Variants in UBLCP1 observed in about 807,000 individuals in gnomAD.
The protein encoded by UBLCP1 is ubiquitin-like domain-containing CTD phosphatase 1.
A neutral mutation model predicts 42.4 loss-of-function variants in UBLCP1; 28 were observed. The ratio of observed to expected loss-of-function variants is 0.66; its 90% CI spans 0.49 to 0.90. UBLCP1 has a LOEUF of 0.90. UBLCP1 is among the 40% of genes least tolerant of loss of function. UBLCP1 has a pLI of 0.00. For synonymous variants in UBLCP1, 122 were observed against 120.8 expected, an observed-to-expected ratio of 1.01 and a Z score of -0.07; for missense variants, 279 against 374.5, an observed-to-expected ratio of 0.75 and a Z score of 2.10.
rs1753670783 is a variant in UBLCP1, at chr5:159,285,652, A to C, written c.*721A>C. ...TGAAGAATAAAAACTAAGGAACAAGAATGAGTCTCTTTTTGGTGGCTAAGT... is the reference window on the plus strand; with the variant it reads ...TGAAGAATAAAAACTAAGGAACAAGCATGAGTCTCTTTTTGGTGGCTAAGT... On this transcript the variant is annotated 3_prime_UTR_variant, in exon 11 of 11. Coordinates refer to ENST00000296786, the MANE Select transcript of UBLCP1 (RefSeq NM_145049.5). The C allele has an allele frequency of 6.6e-6, 1 of 152,344 alleles. No individual in the cohort carries two copies. The highest frequency in any genetic ancestry group is 2.1e-4 in the South Asian group (1 of 4,834). The allele number at this position is 152,344 out of a possible 1,614,324, so 9.4% of individuals were successfully genotyped here.
At chr5:159,284,600 TG>T (rs1753647655) in intron 10 of UBLCP1, among the ~76,000 whole-genome samples, 1 of 152,160 alleles carries the variant, frequency 6.6e-6, no homozygotes, top group Admixed American at 6.5e-5. Context: ...TCTGGAGCCT[TG>T]TTTTGAATCT....
chr5:159,273,657 C>T lies in UBLCP1; in HGVS notation c.548-928C>T, dbSNP rs143772159. Among the ~76,000 whole-genome samples the T allele has an allele frequency of 8.8e-3, 1,337 of 152,082 alleles. 13 individuals are homozygous for T. The highest frequency in any genetic ancestry group is 0.012 in the Non-Finnish European group (800 of 67,976). ...ATAATTACAGATACAAAGTAAGTACCGGATTAAAATTTTTTTCTATCTTAT... is the reference window on the plus strand; with the variant it reads ...ATAATTACAGATACAAAGTAAGTACTGGATTAAAATTTTTTTCTATCTTAT... On this transcript the variant is annotated intron_variant, in intron 6 of 10. Transcript: ENST00000296786.
chr5:159,271,517 G>T (rs1017919865), intron 5 of UBLCP1, among the ~76,000 whole-genome samples: 4 of 151,732 alleles, frequency 2.6e-5, no homozygotes, highest in Non-Finnish European at 4.4e-5. Flanking sequence ...TTCCTTTTAT[G>T]TCTAATGTTG....
chr5:159,267,305 C>T (rs951440760), intron 1 of UBLCP1, among the ~76,000 whole-genome samples: 57 of 152,264 alleles, frequency 3.7e-4, no homozygotes, highest in African/African-American at 1.3e-3. Flanking sequence ...TTGACTGCCC[C>T]GCTGGATTTC....
chr5:159,268,291 T>C (rs1344547776), intron 1 of UBLCP1, among the ~76,000 whole-genome samples: 1 of 152,250 alleles, frequency 6.6e-6, no homozygotes, highest in Non-Finnish European at 1.5e-5. Flanking sequence ...ATTTATGTAG[T>C]GTTTACTAGG....
chr5:159,276,728 G>A (rs983217284), intron 8 of UBLCP1, among the ~76,000 whole-genome samples: 5 of 152,136 alleles, frequency 3.3e-5, no homozygotes, highest in African/African-American at 4.8e-5. Flanking sequence ...GAACACTGTT[G>A]TAAGCCGTTA....
chr5:159,263,307 G>A lies in UBLCP1; in HGVS notation c.-100G>A, dbSNP rs977621140. The A allele has an allele frequency of 3.3e-5, 5 of 152,372 alleles. No homozygotes were observed. Among genetic ancestry groups the A allele is most frequent in the African/African-American group, 1.2e-4 (5 of 41,464 alleles). The allele number at this position is 152,372 out of a possible 1,614,324, so 9.4% of individuals were successfully genotyped here. ...CGCCCTTCACTTCCGGTCGCTTTCG[G>A]TCTCTCAGCGGCCGGTTTCTGCGTC... On this transcript the variant is annotated 5_prime_UTR_variant, in exon 1 of 11. Coordinates refer to ENST00000296786, the MANE Select transcript of UBLCP1 (RefSeq NM_145049.5).
intron 6 of UBLCP1, among the ~76,000 whole-genome samples, chr5:159,273,390 T>G (rs989064988): frequency 6.6e-6 from 1 of 152,168 alleles, no homozygotes; most frequent in African/African-American, 2.4e-5. Context: ...GTACTTCACT[T>G]TGGAGCTAAA....
intron 9 of UBLCP1, among the ~76,000 whole-genome samples, chr5:159,280,632 T>C (rs1284221604): frequency 6.6e-6 from 1 of 152,204 alleles, no homozygotes; most frequent in Non-Finnish European, 1.5e-5. Flanking sequence ...AGAAATATCC[T>C]CAAATGCTGT....
At chr5:159,281,556 G>C (rs757023004) in intron 9 of UBLCP1, among the ~76,000 whole-genome samples, 2 of 152,176 alleles carry the variant, frequency 1.3e-5, no homozygotes, top group Non-Finnish European at 2.9e-5. Context: ...CCCTTTGACA[G>C]CTCTTGACTG....
chr5:159,282,090 T>C (rs1753616731), intron 9 of UBLCP1, among the ~76,000 whole-genome samples: 1 of 152,184 alleles, frequency 6.6e-6, no homozygotes, highest in Non-Finnish European at 1.5e-5. Context: ...TTAAATTAGC[T>C]TATTAATTCA....
chr5:159,277,716 A>G (rs1036656729), intron 8 of UBLCP1, among the ~76,000 whole-genome samples: 6 of 152,224 alleles, frequency 3.9e-5, no homozygotes, highest in Non-Finnish European at 7.3e-5. Context: ...TAAGCAATCA[A>G]ATTCCCTAGA....
In UBLCP1 at chr5:159,283,223, T is replaced by C; in HGVS notation, c.813T>C (p.Phe271=). Residue 271 remains phenylalanine (F), a synonymous_variant, in exon 10 of 11, where the codon TTT becomes TTC. Transcript: ENST00000296786. The part of the protein sequence containing the change: ...NPQNGLKIRP[F]MKAHLNRDKD... ...TTGTTTCCTAATAGATAAGGCCTTT[T>C]ATGAAAGCGCACCTAAATCGTGATA... The C allele has an allele frequency of 6.2e-7, 1 of 1,605,150 alleles. No homozygotes were observed. Among genetic ancestry groups the C allele is most frequent in the Non-Finnish European group, 8.5e-7 (1 of 1,176,760 alleles).
At chr5:159,270,021 C>G (rs1313816259) in intron 3 of UBLCP1, 22 bp downstream of exon 3, 2 of 1,555,156 alleles carry the variant, frequency 1.3e-6, no homozygotes, top group Admixed American at 1.7e-5. Flanking sequence ...CTTTTTGTTA[C>G]CATTTGTCCA....
At chr5:159,275,424 T>TG in intron 8 of UBLCP1, 178 bp downstream of exon 8, 1 of 460,038 alleles carries the variant, frequency 2.2e-6, no homozygotes, top group South Asian at 2.6e-5. Flanking sequence ...TTTTTTTTTT[T>TG]TTTTTTGAGA....
chr5:159,278,754 G>A (rs1178941408), intron 9 of UBLCP1, among the ~76,000 whole-genome samples: 2 of 151,956 alleles, frequency 1.3e-5, no homozygotes, highest in Non-Finnish European at 2.9e-5. Context: ...TGTATTTTTA[G>A]TAGAGACAGG....
intron 9 of UBLCP1, among the ~76,000 whole-genome samples, chr5:159,278,785 C>G (rs776042426): frequency 6.6e-6 from 1 of 152,092 alleles, no homozygotes; most frequent in Non-Finnish European, 1.5e-5. Flanking sequence ...GTTGACCAGG[C>G]TGATCTCAGG....
Position 159,274,632 on chromosome 5 carries a change from A to G in UBLCP1, c.585+10A>G. ...TGAAGCTAAAATGAAAGTAAGTGTT[A>G]GAAAGCAATCCATTTAAAAATATTT... On this transcript the variant is annotated intron_variant, in intron 7 of 10. Coordinates refer to ENST00000296786, the MANE Select transcript of UBLCP1 (RefSeq NM_145049.5). The G allele has an allele frequency of 6.2e-7, 1 of 1,606,434 alleles. No individual in the cohort carries two copies. Among genetic ancestry groups the G allele is most frequent in the South Asian group, 1.1e-5 (1 of 89,644 alleles).
intron 10 of UBLCP1, among the ~76,000 whole-genome samples, 189 bp downstream of exon 10, chr5:159,283,528 T>G (rs1329381232): frequency 1.3e-5 from 2 of 152,094 alleles, no homozygotes; most frequent in African/African-American, 4.8e-5. Flanking sequence ...ACCTCTAACT[T>G]GTTCATAAAC....
Sources: allele counts gnomAD v4.1 joint callset (sites outside exome capture counted in the v4.1 genomes callset), GRCh38; gene constraint gnomAD v4.1.1; transcripts MANE v1.5; gene names NCBI Gene and HGNC (gene_info 2026-07-23, HGNC 2026-07-21).